The following CNTNAP2 variants were observed in gnomAD, a reference collection of about 807,000 sequenced individuals.
The protein encoded by CNTNAP2 is contactin-associated protein-like 2.
Under a neutral mutation model 155.2 loss-of-function variants are expected in CNTNAP2, and 98 were observed. The observed-to-expected ratio is 0.63, with a 90% CI of 0.54 to 0.75. The LOEUF (loss-of-function observed/expected upper bound fraction) is 0.75. Ranked by LOEUF, CNTNAP2 falls within the 30% of genes least tolerant of loss-of-function variation. The probability of loss-of-function intolerance (pLI) is 0.00; values close to 1 mark genes in which losing one functional copy is unlikely to be tolerated. For synonymous variants in CNTNAP2, 651 were observed against 631.2 expected (o/e 1.03, Z -0.47); for missense variants, 1,727 against 1,688.1 (o/e 1.02, Z -0.40).
At chr7:146,718,158 A>G (rs1333081591) in intron 1 of CNTNAP2, among the ~76,000 whole-genome samples, 3 of 152,188 alleles carry the variant, frequency 2.0e-5, no homozygotes, top group East Asian at 3.9e-4. Flanking sequence ...CCATACGCAT[A>G]GTTATAAACA....
chr7:146,696,716 T>A (rs1800788700), intron 1 of CNTNAP2, among the ~76,000 whole-genome samples: 1 of 152,298 alleles, frequency 6.6e-6, no homozygotes, highest in South Asian at 2.1e-4. Context: ...TGAAAAGTTG[T>A]ATTTTAATTT....
At chr7:147,808,401 G>C (rs1191656268) in intron 13 of CNTNAP2, among the ~76,000 whole-genome samples, 2 of 152,140 alleles carry the variant, frequency 1.3e-5, no homozygotes, top group Admixed American at 1.3e-4. Context: ...ATTGCTGGTG[G>C]CTATCTTTGG....
At chr7:148,210,726 G>A (rs555541586) in intron 18 of CNTNAP2, among the ~76,000 whole-genome samples, 12 of 152,220 alleles carry the variant, frequency 7.9e-5, no homozygotes, top group African/African-American at 1.2e-4. Flanking sequence ...GGTTACAATA[G>A]ATATGGACCC....
intron 12 of CNTNAP2, among the ~76,000 whole-genome samples, chr7:147,605,921 G>T (rs1164840582): frequency 3.3e-5 from 5 of 151,708 alleles, no homozygotes; most frequent in Non-Finnish European, 7.4e-5. Context: ...CTCTCTGTGT[G>T]TGTGTGTGTT....
At position 147,261,533 on chromosome 7, in the gene CNTNAP2, T is replaced by G. The variant is rs1804465335; in HGVS notation, c.1349-38608T>G. Among the ~76,000 whole-genome samples, 3 of 151,668 alleles carry G rather than the reference T, an allele frequency of 2.0e-5. No homozygotes were observed. In the South Asian group the frequency reaches 6.3e-4, roughly 32 times the overall value. On this transcript the variant is annotated intron_variant, in intron 8 of 23. Transcript: ENST00000361727. The stretch of plus-strand genomic sequence containing the variant: ...GAGAAAACCTCTCGGTACTTGTTCT[T>G]GTCAAGTGGTAAGGGATACTTTAAA...
chr7:146,613,043 G>T (rs1252394901), intron 1 of CNTNAP2, among the ~76,000 whole-genome samples: 1 of 151,350 alleles, frequency 6.6e-6, no homozygotes, highest in Non-Finnish European at 1.5e-5. Flanking sequence ...CAATTTAAGA[G>T]AATTGTAGCA....
rs1425945631 is a variant in CNTNAP2 at position 147,107,377 on chromosome 7, T to C, written c.551-770T>C. ...TTTTAAAAAGTTTACATACTTTCCT[T>C]ATTTTAATCTATTCCCCTGAAACTA... On this transcript the variant is annotated intron_variant, in intron 4 of 23. Coordinates refer to ENST00000361727, the MANE Select transcript of CNTNAP2 (RefSeq NM_014141.6). 2.0e-5 allele frequency among the ~76,000 whole-genome samples: 3 copies of C among 152,158 alleles called. No individual in the cohort carries two copies. In the East Asian group the frequency reaches 5.8e-4, roughly 29 times the overall value.
intron 21 of CNTNAP2, among the ~76,000 whole-genome samples, chr7:148,285,543 T>A (rs1797065317): frequency 6.6e-6 from 1 of 152,282 alleles, no homozygotes; most frequent in South Asian, 2.1e-4. Context: ...ACAGTGTATG[T>A]TGAATGCCTT....
chr7:147,461,293 A>T (rs1455535884), intron 10 of CNTNAP2, among the ~76,000 whole-genome samples: 1 of 152,174 alleles, frequency 6.6e-6, no homozygotes, highest in Non-Finnish European at 1.5e-5. Flanking sequence ...ACCCCTAAAA[A>T]CAAACAGTTC....
chr7:148,117,519 T>C (rs531066674), intron 15 of CNTNAP2, among the ~76,000 whole-genome samples: 19 of 152,184 alleles, frequency 1.2e-4, no homozygotes, highest in Non-Finnish European at 2.4e-4. Flanking sequence ...GAGTGAGCAC[T>C]GGCTCTTCCA....
At chr7:146,617,076 G>C (rs1370677924) in intron 1 of CNTNAP2, among the ~76,000 whole-genome samples, 1 of 152,176 alleles carries the variant, frequency 6.6e-6, no homozygotes, top group Non-Finnish European at 1.5e-5. Flanking sequence ...CTGGAGTGCA[G>C]TGGCGCGATC....
At chr7:146,529,919 C>A (rs568882901) in intron 1 of CNTNAP2, among the ~76,000 whole-genome samples, 2 of 151,988 alleles carry the variant, frequency 1.3e-5, no homozygotes, top group Non-Finnish European at 2.9e-5. Context: ...GAGCCGAGAT[C>A]GTGCCACTGC....
intron 1 of CNTNAP2, among the ~76,000 whole-genome samples, chr7:146,679,093 T>C (rs1379639633): frequency 6.6e-6 from 1 of 152,124 alleles, no homozygotes; most frequent in Non-Finnish European, 1.5e-5. Context: ...GTTGTATAGA[T>C]TATTTCATCA....
chr7:146,151,662 A>ATG (rs1318954675), intron 1 of CNTNAP2, among the ~76,000 whole-genome samples: 18 of 43,702 alleles, frequency 4.1e-4, no homozygotes, highest in East Asian at 1.6e-3. Context: ...ATATATATAT[A>ATG]TATATATATA....
intron 9 of CNTNAP2, among the ~76,000 whole-genome samples, chr7:147,386,158 G>T (rs1279813044): frequency 6.6e-6 from 1 of 152,136 alleles, no homozygotes; most frequent in African/African-American, 2.4e-5. Context: ...GAGGGACCCT[G>T]AGCCCGACCC....
chr7:147,097,159 A>G (rs1331888354), intron 4 of CNTNAP2, among the ~76,000 whole-genome samples: 2 of 152,264 alleles, frequency 1.3e-5, no homozygotes, highest in Non-Finnish European at 2.9e-5. Context: ...GAAAGCACAG[A>G]AAGTAAAATA....
At chr7:146,991,709 T>C (rs1798210091) in intron 3 of CNTNAP2, among the ~76,000 whole-genome samples, 1 of 152,154 alleles carries the variant, frequency 6.6e-6, no homozygotes, top group East Asian at 1.9e-4. Context: ...TCAATTTTGC[T>C]CGTGGAAACA....
chr7:147,408,722 C>T lies in CNTNAP2; in HGVS notation c.1670+12942C>T, dbSNP rs573881858. ...GCAGTGAGCGAAGATTGTGCCACTG[C>T]ACTCCAGCCTGGGCGACAGAGCGAG... On this transcript the variant is annotated intron_variant, in intron 10 of 23. Coordinates refer to ENST00000361727, the MANE Select transcript of CNTNAP2 (RefSeq NM_014141.6). Among the ~76,000 whole-genome samples the T allele has an allele frequency of 7.9e-4, 120 of 152,264 alleles. 2 individuals are homozygous for T. The highest frequency in any genetic ancestry group is 2.7e-3 in the African/African-American group (112 of 41,546).
chr7:146,489,566 C>T (rs1797108676), intron 1 of CNTNAP2, among the ~76,000 whole-genome samples: 2 of 152,122 alleles, frequency 1.3e-5, no homozygotes, highest in African/African-American at 2.4e-5. Flanking sequence ...GACACACACA[C>T]CCCCACCTGC....
Sources: gnomAD v4.1 joint callset for allele counts (sites outside exome capture counted in the v4.1 genomes callset) on GRCh38, gnomAD v4.1.1 for gene constraint, MANE v1.5 for transcripts, NCBI Gene and HGNC (gene_info 2026-07-23, HGNC 2026-07-21) for gene names.